Variants in SGCD observed in about 807,000 individuals in gnomAD.
SGCD encodes delta-sarcoglycan.
SGCD carries 18 observed loss-of-function variants against 36.6 expected under a neutral mutation model. The observed-to-expected ratio is 0.49, with a 90% confidence interval of 0.34 to 0.73. SGCD has a LOEUF of 0.73. Ranked by LOEUF, SGCD falls within the 30% of genes least tolerant of loss-of-function variation. SGCD has a pLI of 0.01. For synonymous variants in SGCD, 133 were observed against 130.6 expected, an observed-to-expected ratio of 1.02 and a Z score of -0.12; for missense variants, 387 against 346.7, an observed-to-expected ratio of 1.12 and a Z score of -0.92.
At chr5:156,132,976 G>C (rs987301227) in intron 3 of SGCD, among the ~76,000 whole-genome samples, 3 of 152,178 alleles carry the variant, frequency 2.0e-5, no homozygotes, top group Non-Finnish European at 4.4e-5. Flanking sequence ...TCTACAGCTG[G>C]TTTTATTGCT....
At chr5:156,181,483 GA>G (rs1763605513) in intron 3 of SGCD, among the ~76,000 whole-genome samples, 1 of 152,238 alleles carries the variant, frequency 6.6e-6, no homozygotes, top group Admixed American at 6.5e-5. Flanking sequence ...AGGAGAAGGG[GA>G]CAATTACAAT....
intron 4 of SGCD, among the ~76,000 whole-genome samples, chr5:156,534,569 G>A (rs1758019155): frequency 6.6e-6 from 1 of 152,122 alleles, no homozygotes; most frequent in Non-Finnish European, 1.5e-5. Flanking sequence ...TGCTTTCCGT[G>A]GATATCTTCC....
intron 3 of SGCD, among the ~76,000 whole-genome samples, chr5:156,507,213 A>G (rs139958618): frequency 6.6e-6 from 1 of 152,348 alleles, no homozygotes; most frequent in Admixed American, 6.5e-5. Context: ...GGTTATCCAG[A>G]TGTGCCCAGT....
intron 1 of SGCD, among the ~76,000 whole-genome samples, chr5:155,912,340 T>C (rs1756647132): frequency 6.6e-6 from 1 of 152,150 alleles, no homozygotes; most frequent in African/African-American, 2.4e-5. Flanking sequence ...TAGCTTTTGT[T>C]CACCTTCAAA....
intron 7 of SGCD, among the ~76,000 whole-genome samples, chr5:156,702,476 G>C (rs1754565211): frequency 6.6e-6 from 1 of 152,038 alleles, no homozygotes; most frequent in African/African-American, 2.4e-5. Context: ...CATACTCAGG[G>C]CGGGGAAGCG....
intron 4 of SGCD, among the ~76,000 whole-genome samples, chr5:156,519,131 TA>T (rs1212547355): frequency 1.3e-5 from 2 of 151,064 alleles, no homozygotes; most frequent in African/African-American, 2.4e-5. Context: ...ATAGACACAA[TA>T]AAAAATGATA....
intron 4 of SGCD, among the ~76,000 whole-genome samples, chr5:156,522,736 T>TA (rs11351184): frequency 1.8e-4 from 27 of 145,974 alleles, no homozygotes; most frequent in East Asian, 1.4e-3. Flanking sequence ...CCCCAGCACT[T>TA]AAAAAAAAAA....
At chr5:156,409,002 T>G (rs976257187) in intron 3 of SGCD, among the ~76,000 whole-genome samples, 9 of 152,144 alleles carry the variant, frequency 5.9e-5, no homozygotes, top group African/African-American at 2.2e-4. Flanking sequence ...CTCCTGGAAG[T>G]AGGAAGACAA....
intron 3 of SGCD, among the ~76,000 whole-genome samples, chr5:156,276,866 A>C (rs1043560574): frequency 1.3e-5 from 2 of 152,224 alleles, no homozygotes; most frequent in African/African-American, 4.8e-5. Context: ...CAATATTTAC[A>C]TAACATCCCT....
intron 3 of SGCD, among the ~76,000 whole-genome samples, chr5:156,213,722 A>G (rs966258395): frequency 1.3e-5 from 2 of 152,088 alleles, no homozygotes; most frequent in African/African-American, 4.8e-5. Flanking sequence ...CATCTTCAAC[A>G]AAATACTAGC....
chr5:156,027,795 A>C (rs1296320890), intron 1 of SGCD, among the ~76,000 whole-genome samples: 5 of 152,198 alleles, frequency 3.3e-5, no homozygotes, highest in Admixed American at 6.5e-5. Context: ...TTTGATAATA[A>C]ATTTGGCTAA....
chr5:156,279,891 C>G (rs1183350541), intron 3 of SGCD, among the ~76,000 whole-genome samples: 2 of 151,836 alleles, frequency 1.3e-5, no homozygotes, highest in East Asian at 3.9e-4. Context: ...TGATGGGTAT[C>G]CCAGAAATAA....
chr5:156,144,425 C>A (rs1762661758), intron 3 of SGCD, among the ~76,000 whole-genome samples: 1 of 152,190 alleles, frequency 6.6e-6, no homozygotes, highest in Non-Finnish European at 1.5e-5. Context: ...TTAATGATTG[C>A]CATTCTAACT....
chr5:156,606,863 T>C (rs1052901941), intron 6 of SGCD, among the ~76,000 whole-genome samples: 1 of 152,238 alleles, frequency 6.6e-6, no homozygotes, highest in Non-Finnish European at 1.5e-5. Flanking sequence ...GTTATTGGTG[T>C]ATAAGAATGC....
chr5:155,952,580 T>C (rs1757568495), intron 1 of SGCD, among the ~76,000 whole-genome samples: 1 of 152,104 alleles, frequency 6.6e-6, no homozygotes, highest in African/African-American at 2.4e-5. Context: ...AAAACAGTCA[T>C]GGGGAGGGCT....
chr5:156,023,004 G>T (rs1759142045), intron 1 of SGCD, among the ~76,000 whole-genome samples: 1 of 152,160 alleles, frequency 6.6e-6, no homozygotes, highest in Admixed American at 6.5e-5. Flanking sequence ...AGCACAGTGG[G>T]GAGAGCACAA....
chr5:156,545,895 CA>C (rs1279179478), intron 4 of SGCD, among the ~76,000 whole-genome samples: 1 of 152,224 alleles, frequency 6.6e-6, no homozygotes, highest in African/African-American at 2.4e-5. Flanking sequence ...AAGGATTCCA[CA>C]GCAAAATCTG....
intron 1 of SGCD, among the ~76,000 whole-genome samples, chr5:156,044,584 A>C (rs1429991817): frequency 6.6e-6 from 1 of 152,148 alleles, no homozygotes; most frequent in Non-Finnish European, 1.5e-5. Context: ...CATTGATCAT[A>C]ATTGTAGTTG....
chr5:156,520,580 A>G (rs1412980191), intron 4 of SGCD, among the ~76,000 whole-genome samples: 1 of 152,168 alleles, frequency 6.6e-6, no homozygotes, highest in East Asian at 1.9e-4. Flanking sequence ...AATTACCAAG[A>G]CAATCCTAAG....
Sources: allele counts gnomAD v4.1 joint callset (sites outside exome capture counted in the v4.1 genomes callset), GRCh38; gene constraint gnomAD v4.1.1; transcripts MANE v1.5; gene names NCBI Gene and HGNC (gene_info 2026-07-23, HGNC 2026-07-21).